Variants in CHRNA7 observed in about 807,000 individuals in gnomAD.
CHRNA7 encodes cholinergic receptor nicotinic alpha 7 subunit, also known as neuronal acetylcholine receptor subunit alpha-7.
CHRNA7 carries 17 observed loss-of-function variants against 48.0 expected under a neutral mutation model. That is an observed-to-expected ratio of 0.35 (90% CI 0.24 to 0.53). The LOEUF (loss-of-function observed/expected upper bound fraction) is 0.53. Among genes scored for constraint, CHRNA7 ranks in the 20% least tolerant of loss-of-function variants. CHRNA7 has a pLI of 0.92. For missense variants in CHRNA7, 155 were observed against 577.7 expected (o/e 0.27, Z 7.50); for synonymous variants, 75 against 242.3 (o/e 0.31, Z 6.41).
intron 4 of CHRNA7, among the ~76,000 whole-genome samples, chr15:32,136,463 C>T (rs1019941675): frequency 1.4e-5 from 2 of 147,818 alleles, no homozygotes; most frequent in African/African-American, 5.0e-5. Flanking sequence ...TGCACTCCAA[C>T]CTGGAACCTG....
intron 2 of CHRNA7, among the ~76,000 whole-genome samples, chr15:32,031,446 C>T (rs900109355): frequency 1.4e-4 from 22 of 152,184 alleles, no homozygotes; most frequent in African/African-American, 4.8e-4. Context: ...ACTTTTCTGC[C>T]GCCTATGGTA....
rs199901351 is a variant in CHRNA7 at position 32,114,146 on chromosome 15, A to ACG, written c.350+2247_350+2248insCG. ...CATATACATACACACACACACACAG[A>ACG]GAGAGAGAGAGAGAGCACCCCACCA... is the stretch of plus-strand genomic sequence containing the variant. On this transcript the variant is annotated intron_variant, in intron 4 of 9. Transcript: ENST00000306901. Among the ~76,000 whole-genome samples, 552 of 140,308 alleles carry ACG rather than the reference A, an allele frequency of 3.9e-3. 4 individuals are homozygous for ACG. The highest frequency in any genetic ancestry group is 0.014 in the African/African-American group (529 of 37,186). 92.0% of individuals were successfully genotyped at this position (140,308 alleles called of 152,430 possible).
chr15:32,047,922 A>G (rs2049585357), intron 2 of CHRNA7, among the ~76,000 whole-genome samples: 1 of 152,108 alleles, frequency 6.6e-6, no homozygotes, highest in Non-Finnish European at 1.5e-5. Context: ...GCATCTATTG[A>G]GATAATCATG....
chr15:32,114,143 C>CAG (rs146334906), intron 4 of CHRNA7, among the ~76,000 whole-genome samples: 49 of 143,030 alleles, frequency 3.4e-4, no homozygotes, highest in Middle Eastern at 3.7e-3. Flanking sequence ...CACACACACA[C>CAG]AGAGAGAGAG....
intron 3 of CHRNA7, 126 bp from the exon 4 acceptor site, chr15:32,111,663 TA>T (rs1196673152): frequency 5.0e-6 from 3 of 597,786 alleles, no homozygotes; most frequent in African/African-American, 3.7e-5. Context: ...TTATATTTTA[TA>T]AATAGCAATT....
intron 2 of CHRNA7, among the ~76,000 whole-genome samples, chr15:32,063,763 T>G (rs1397414225): frequency 6.6e-6 from 1 of 152,184 alleles, no homozygotes; most frequent in East Asian, 1.9e-4. Context: ...AGCCACTTCA[T>G]TAGCATAACA....
chr15:32,133,970 G>A (rs2051200507), intron 4 of CHRNA7, among the ~76,000 whole-genome samples: 1 of 152,174 alleles, frequency 6.6e-6, no homozygotes, highest in African/African-American at 2.4e-5. Flanking sequence ...GATGGTGATT[G>A]GGGTTTGAGA....
intron 4 of CHRNA7, among the ~76,000 whole-genome samples, chr15:32,146,561 C>G (rs1040653184): frequency 1.3e-5 from 2 of 152,082 alleles, no homozygotes; most frequent in African/African-American, 2.4e-5. Context: ...CAAGATCTAT[C>G]GAAGTATCAA....
chr15:32,044,286 T>TCCTTCCTTCCTTCCTC (rs1566798018), intron 2 of CHRNA7, among the ~76,000 whole-genome samples: 2 of 151,776 alleles, frequency 1.3e-5, no homozygotes, highest in East Asian at 3.9e-4. Context: ...CTTCCTTCCT[T>TCCTTCCTTCCTTCCTC]CTTTTTTTGG....
chr15:32,084,913 A>G (rs1181376103), intron 2 of CHRNA7, among the ~76,000 whole-genome samples: 2 of 151,028 alleles, frequency 1.3e-5, no homozygotes, highest in African/African-American at 2.4e-5. Flanking sequence ...GCTCACTGCA[A>G]CCTCCGCGTC....
chr15:32,091,823 T>TTTG (rs145190487), intron 2 of CHRNA7, among the ~76,000 whole-genome samples: 9 of 152,172 alleles, frequency 5.9e-5, no homozygotes, highest in Admixed American at 1.3e-4. Flanking sequence ...CCTCTTGGAT[T>TTTG]TTGTTGTTGT....
At position 32,112,026 on chromosome 15, in the gene CHRNA7, C is replaced by T. The variant is rs182243630; in HGVS notation, c.350+127C>T. 3.3e-3 allele frequency: 2,334 copies of T among 705,320 alleles called. 19 individuals are homozygous for T. Among genetic ancestry groups the T allele is most frequent in the Non-Finnish European group, 4.1e-3 (1,633 of 399,466 alleles). The allele number at this position is 705,320 out of a possible 1,614,324, so 43.7% of individuals were successfully genotyped here. ...TGATCTGGGGCCACTGCTCCCTACA[C>T]GGCTTTCCGAGCGGCCAGGCCTTTG... is the stretch of plus-strand genomic sequence containing the variant. On this transcript the variant is annotated intron_variant, in intron 4 of 9. Transcript: ENST00000306901.
chr15:32,093,069 T>C (rs182872414), intron 2 of CHRNA7, among the ~76,000 whole-genome samples: 28 of 152,268 alleles, frequency 1.8e-4, no homozygotes, highest in Admixed American at 5.2e-4. Flanking sequence ...ACTGATTCAG[T>C]TGGGATGATG....
intron 2 of CHRNA7, among the ~76,000 whole-genome samples, chr15:32,048,248 C>T (rs2049591941): frequency 6.6e-6 from 1 of 152,168 alleles, no homozygotes; most frequent in East Asian, 1.9e-4. Context: ...AGGAACGGTA[C>T]CAGTTCCTCC....
At chr15:32,059,892 C>T (rs146989573) in intron 2 of CHRNA7, among the ~76,000 whole-genome samples, 80 of 134,206 alleles carry the variant, frequency 6.0e-4, no homozygotes, top group Non-Finnish European at 9.6e-4. Context: ...GCCCAAGCTC[C>T]GATGAGAAAC....
At chr15:32,032,625 C>T (rs190453702) in intron 2 of CHRNA7, among the ~76,000 whole-genome samples, 167 of 152,308 alleles carry the variant, frequency 1.1e-3, no homozygotes, top group African/African-American at 4.0e-3. Context: ...GGGACAGTAG[C>T]CCCCTCTTCC....
At chr15:32,045,171 G>T (rs1036995474) in intron 2 of CHRNA7, among the ~76,000 whole-genome samples, 1 of 152,020 alleles carries the variant, frequency 6.6e-6, no homozygotes, top group African/African-American at 2.4e-5. Context: ...TATAGTCCCT[G>T]TCTGATAATT....
At chr15:32,127,366 G>C (rs1036136379) in intron 4 of CHRNA7, among the ~76,000 whole-genome samples, 2 of 152,162 alleles carry the variant, frequency 1.3e-5, no homozygotes, top group African/African-American at 4.8e-5. Flanking sequence ...ATAATAAGCA[G>C]ATGCTTCATT....
At chr15:32,132,143 C>G (rs905342966) in intron 4 of CHRNA7, among the ~76,000 whole-genome samples, 2 of 152,092 alleles carry the variant, frequency 1.3e-5, no homozygotes, top group Admixed American at 6.5e-5. Flanking sequence ...CAGCTTTTTC[C>G]TTTGGTGTTT....
Sources: allele counts gnomAD v4.1 joint callset (sites outside exome capture counted in the v4.1 genomes callset), GRCh38; gene constraint gnomAD v4.1.1; transcripts MANE v1.5; gene names NCBI Gene and HGNC (gene_info 2026-07-23, HGNC 2026-07-21).